SIRT3: variants seen among roughly 807,000 people sequenced by gnomAD.
The protein encoded by SIRT3 is NAD-dependent protein deacetylase sirtuin-3, mitochondrial.
SIRT3 carries 26 observed loss-of-function variants against 33.5 expected under a neutral mutation model. The observed-to-expected ratio is 0.78, with a 90% CI of 0.57 to 1.08. The LOEUF (loss-of-function observed/expected upper bound fraction) is 1.08. Ranked by LOEUF, SIRT3 falls within the 50% of genes least tolerant of loss-of-function variation. SIRT3 has a pLI of 0.00. For synonymous variants in SIRT3, 237 were observed against 222.1 expected, an observed-to-expected ratio of 1.07 and a Z score of -0.60; for missense variants, 585 against 530.1, an observed-to-expected ratio of 1.10 and a Z score of -1.02.
intron 6 of SIRT3, among the ~76,000 whole-genome samples, chr11:217,533 G>C (rs918972161): frequency 1.1e-4 from 16 of 152,252 alleles, no homozygotes; most frequent in Non-Finnish European, 2.1e-4. Context: ...CCGCTGCCTT[G>C]TGAGCTGGCC....
At chr11:230,626 G>A in intron 3 of SIRT3, 74 bp from the exon 4 acceptor site, 2 of 1,054,686 alleles carry the variant, frequency 1.9e-6, no homozygotes, top group Non-Finnish European at 2.6e-6. Flanking sequence ...CACAACTTCT[G>A]GGCTTGGCAG....
chr11:235,337 C>G (rs1476249131), intron 1 of SIRT3, among the ~76,000 whole-genome samples: 2 of 152,138 alleles, frequency 1.3e-5, no homozygotes, highest in Non-Finnish European at 2.9e-5. Flanking sequence ...TCAGGAGTAA[C>G]TGGGACAACA....
Position 223,608 on chromosome 11 carries a change from G to GCC in SIRT3, c.969+468_969+469dup. The GCC allele has an allele frequency of 6.1e-6, 2 of 326,436 alleles. No homozygotes were observed. The highest frequency in any genetic ancestry group is 7.9e-5 in the East Asian group (1 of 12,670). The allele number at this position is 326,436 out of a possible 1,614,324, so 20.2% of individuals were successfully genotyped here. On this transcript the variant is annotated intron_variant, in intron 5 of 6. Coordinates refer to ENST00000382743, the MANE Select transcript of SIRT3 (RefSeq NM_012239.6). This position sits in a 1 kb window ranked among gnomAD's most constrained non-coding sequence, Gnocchi z 4.8. ...CTGGGAGGCCCTGCCCCTCCACCTC[G>GCC]CCCCCACACCCCCATCCTTCTCCCT...
intron 4 of SIRT3, among the ~76,000 whole-genome samples, chr11:230,211 CA>C (rs752924694): frequency 9.8e-4 from 111 of 113,608 alleles, no homozygotes; most frequent in Non-Finnish European, 1.1e-3. Context: ...GACTCAATCT[CA>C]AAAAAAAAAA....
intron 6 of SIRT3, among the ~76,000 whole-genome samples, chr11:218,081 G>A (rs577202805): frequency 6.6e-6 from 1 of 152,284 alleles, no homozygotes; most frequent in African/African-American, 2.4e-5. Flanking sequence ...GGAACTGTGA[G>A]TCCATTAAAC....
At chr11:226,231 T>C (rs1403152511) in intron 4 of SIRT3, 1 of 152,006 alleles carries the variant, frequency 6.6e-6, no homozygotes, top group Non-Finnish European at 1.5e-5. Flanking sequence ...AAAGGGCTGG[T>C]TTCTGTTTAG....
At chr11:225,918 A>G (rs1314540428) in intron 4 of SIRT3, 2 of 152,268 alleles carry the variant, frequency 1.3e-5, no homozygotes, top group Non-Finnish European at 2.9e-5. Context: ...GGGTGCCCAC[A>G]GGAAAAACAT....
In SIRT3 at chr11:233,602, A is replaced by G. The variant is rs984291760; in HGVS notation, c.282-68T>C. 5.9e-6 allele frequency: 9 copies of G among 1,524,904 alleles called. No homozygotes were observed. In the African/African-American group the frequency reaches 1.2e-4, roughly 21 times the overall value. The allele number at this position is 1,524,904 out of a possible 1,614,324, so 94.5% of individuals were successfully genotyped here. A position where few individuals can be genotyped will look rare whatever the true frequency, so the allele number is the denominator to read the frequency against. ...CAATCTCAGGATAGCAAGAACGAGCATGGCTCTGCCCTCTGCACCACCGCC... is the reference window on the plus strand; with the variant it reads ...CAATCTCAGGATAGCAAGAACGAGCGTGGCTCTGCCCTCTGCACCACCGCC... On this transcript the variant is annotated intron_variant, in intron 1 of 6. Coordinates refer to ENST00000382743, the MANE Select transcript of SIRT3 (RefSeq NM_012239.6).
At chr11:236,381 G>GCCCCGCCTCCGCCTCCCAC, upstream of SIRT3, 2 of 132,366 alleles carry the variant, frequency 1.5e-5, no homozygotes, top group African/African-American at 1.4e-4. Flanking sequence ...CGGCGCCCCG[G>GCCCCGCCTCCGCCTCCCAC]CCCCGCCTCC....
Position 219,026 on chromosome 11 carries a change from TG to T in SIRT3, c.984del (p.Ser329AlafsTer2), listed in dbSNP as rs1564805514. 5 of 1,612,912 alleles carry T rather than the reference TG, an allele frequency of 3.1e-6. No individual in the cohort carries two copies. Among genetic ancestry groups the T allele is most frequent in the Non-Finnish European group, 3.4e-6 (4 of 1,179,584 alleles). On this transcript the variant is annotated frameshift_variant, in exon 6 of 7. Transcript: ENST00000382743. LOFTEE classifies it high-confidence loss of function. ...LGTSLEVEPF[A>X]SLTEAVRSSV... ...GAGCTCCGCACGGCCTCGGTCAAGC[TG>T]GCAAAAGGCTCCACCTGAAAAATGG...
At chr11:229,527 G>A (rs1054153437) in intron 4 of SIRT3, among the ~76,000 whole-genome samples, 4 of 151,586 alleles carry the variant, frequency 2.6e-5, no homozygotes, top group African/African-American at 7.3e-5. Flanking sequence ...AGGCCGAGGC[G>A]GGTGAACCAC....
chr11:225,411 C>CA (rs1857040609), intron 4 of SIRT3, among the ~76,000 whole-genome samples: 1 of 147,328 alleles, frequency 6.8e-6, no homozygotes, highest in Non-Finnish European at 1.5e-5. Flanking sequence ...GACTCTGTCT[C>CA]AAAAAACAAA....
chr11:233,563 A>T, intron 1 of SIRT3, 29 bp from the exon 2 acceptor site: 1 of 1,609,706 alleles, frequency 6.2e-7, no homozygotes, highest in Admixed American at 1.7e-5. Flanking sequence ...GCAGCAAAGG[A>T]AACAGATAGC....
At chr11:233,678 C>T in intron 1 of SIRT3, 144 bp from the exon 2 acceptor site, 1 of 718,342 alleles carries the variant, frequency 1.4e-6, no homozygotes, top group Non-Finnish European at 2.3e-6. Flanking sequence ...AAATAATCAC[C>T]TTTCTTAGAC....
Position 234,303 on chromosome 11 carries a change from A to G in SIRT3, c.282-769T>C, listed in dbSNP as rs527806328. Among the ~76,000 whole-genome samples the G allele has an allele frequency of 2.0e-5, 3 of 152,226 alleles. No individual in the cohort carries two copies. The South Asian group carries it at 6.2e-4, about 31-fold the overall frequency. On this transcript the variant is annotated intron_variant, in intron 1 of 6. Transcript: ENST00000382743. ...AAGGACACAAACAACAAATTCAGAGAGCTCAAAAATCCAAAGCCAAACTGG... is the reference window on the plus strand; with the variant it reads ...AAGGACACAAACAACAAATTCAGAGGGCTCAAAAATCCAAAGCCAAACTGG...
chr11:233,059 G>T lies in SIRT3; in HGVS notation c.630C>A (p.His210Gln). ...YPGNYKPNVT[H>Q]YFLRLLHDKG... ...TGTCATGAAGCAGCCGGAGAAAGTA[G>T]TGAGTGACGTTGGGCTTGTAGTTTC... The change falls in exon 3 of 7, where the codon CAC (histidine) becomes CAA (glutamine). Residue 210 changes from histidine (H) to glutamine (Q), a missense_variant. His to Gln is a conservative substitution (Grantham distance 24, BLOSUM62 0). Transcript: ENST00000382743. The T allele has an allele frequency of 2.5e-6, 4 of 1,614,200 alleles. No homozygotes were observed. Among genetic ancestry groups the T allele is most frequent in the Non-Finnish European group, 3.4e-6 (4 of 1,180,026 alleles).
At position 236,065 on chromosome 11, in the gene SIRT3, G is replaced by C. The variant is rs751056830; in HGVS notation, c.264C>G (p.Pro88=). Residue 88 remains proline (P), a synonymous_variant, in exon 1 of 7, where the codon CCC becomes CCG. Transcript: ENST00000382743. Reference sequence around the variant, plus strand: ...CAAAATACCTCGAAAAGAAGAAACTGGGAGCTGCTGCCCTCGGCTGCCTCC... The same window carrying C: ...CAAAATACCTCGAAAAGAAGAAACTCGGAGCTGCTGCCCTCGGCTGCCTCC... The part of the protein sequence containing the change: ...AFRRQPRAAA[P]SFFFSSIKGG... The C allele has an allele frequency of 6.5e-7, 1 of 1,530,442 alleles. No individual in the cohort carries two copies. The highest frequency in any genetic ancestry group is 8.8e-7 in the Non-Finnish European group (1 of 1,139,978). The allele number at this position is 1,530,442 out of a possible 1,614,324, so 94.8% of individuals were successfully genotyped here. A position where few individuals can be genotyped will look rare whatever the true frequency, so the allele number is the denominator to read the frequency against.
chr11:220,337 AAAAAAAAAAAAAAG>A (rs1326707991), intron 5 of SIRT3, among the ~76,000 whole-genome samples: 1 of 150,242 alleles, frequency 6.7e-6, no homozygotes, highest in East Asian at 1.9e-4. Flanking sequence ...TCTCAAAAAA[AAAAAAAAAAAAAAG>A]AAAGAAGTTT....
At chr11:228,774 G>A (rs1857502989) in intron 4 of SIRT3, among the ~76,000 whole-genome samples, 1 of 145,236 alleles carries the variant, frequency 6.9e-6, no homozygotes, top group African/African-American at 2.4e-5. Context: ...TGCATCAAAA[G>A]ACATCAACAA....
Sources: allele counts gnomAD v4.1 joint callset (sites outside exome capture counted in the v4.1 genomes callset), GRCh38; gene constraint gnomAD v4.1.1; non-coding constraint Gnocchi (gnomAD v3.1); transcripts MANE v1.5; gene names NCBI Gene and HGNC (gene_info 2026-07-23, HGNC 2026-07-21).